KLHL6: variants seen among roughly 807,000 people sequenced by gnomAD.
KLHL6 encodes kelch like family member 6.
KLHL6 carries 41 observed loss-of-function variants against 58.6 expected under a neutral mutation model. The ratio of observed to expected loss-of-function variants is 0.70; its 90% CI spans 0.55 to 0.91. The LOEUF (loss-of-function observed/expected upper bound fraction) is 0.91, where lower values mean the gene tolerates loss of function less well. Among genes scored for constraint, KLHL6 ranks in the 40% least tolerant of loss-of-function variants. KLHL6 has a pLI of 0.00. For synonymous variants in KLHL6, 338 were observed against 322.7 expected (o/e 1.05, Z -0.51); for missense variants, 714 against 805.6 (o/e 0.89, Z 1.38).
At position 183,503,037 on chromosome 3, in the gene KLHL6, A is replaced by T. The variant is rs141651581; in HGVS notation, c.910-3210T>A. On this transcript the variant is annotated intron_variant, in intron 3 of 6. Transcript: ENST00000341319. ...TAACCCCAAAGCCATGACAAATGTC[A>T]ATCTGAAGTCTGAGACGTGCCACTT... 1.5e-3 allele frequency among the ~76,000 whole-genome samples: 225 copies of T among 152,370 alleles called. 1 individual carries two copies. The highest frequency in any genetic ancestry group is 4.3e-3 in the South Asian group (21 of 4,828).
In KLHL6 at chr3:183,492,481, A is replaced by G. The variant is rs1388107692; in HGVS notation, c.1564+13T>C. On this transcript the variant is annotated intron_variant, in intron 6 of 6. Transcript: ENST00000341319. This position sits in a 1 kb window ranked among gnomAD's most constrained non-coding sequence, Gnocchi z 5.9. The stretch of plus-strand genomic sequence containing the variant: ...TTCTAAGCCATTCAGACCAATAAGA[A>G]GCCATTACTCACCAACGACATAGAT... The G allele has an allele frequency of 3.1e-6, 5 of 1,613,782 alleles. No homozygotes were observed. Among genetic ancestry groups the G allele is most frequent in the Non-Finnish European group, 4.2e-6 (5 of 1,179,670 alleles).
At chr3:183,534,699 C>T (rs1365769693) in intron 1 of KLHL6, among the ~76,000 whole-genome samples, 5 of 151,738 alleles carry the variant, frequency 3.3e-5, no homozygotes, top group East Asian at 1.9e-4. Context: ...CCACCATGCC[C>T]GGCCCCATTT....
intron 1 of KLHL6, among the ~76,000 whole-genome samples, chr3:183,551,132 A>G (rs931919400): frequency 2.0e-5 from 3 of 151,964 alleles, no homozygotes; most frequent in Non-Finnish European, 4.4e-5. Context: ...GAAAAAAAAA[A>G]AAAAAAAAAT....
intron 1 of KLHL6, among the ~76,000 whole-genome samples, chr3:183,529,798 A>C (rs1367551259): frequency 1.3e-5 from 2 of 151,796 alleles, no homozygotes; most frequent in Non-Finnish European, 2.9e-5. Flanking sequence ...AAAAAAAGAA[A>C]GAAAGAAAGG....
intron 1 of KLHL6, among the ~76,000 whole-genome samples, chr3:183,549,339 TA>T (rs1396146951): frequency 1.3e-5 from 2 of 152,242 alleles, no homozygotes. Context: ...GGTCAGGCCC[TA>T]TATTTTCCAC....
At chr3:183,546,910 TC>T (rs1712738278) in intron 1 of KLHL6, among the ~76,000 whole-genome samples, 1 of 73,942 alleles carries the variant, frequency 1.4e-5, no homozygotes, top group Non-Finnish European at 2.8e-5. Flanking sequence ...GTGCCATAAG[TC>T]TTTTTTTTTT....
At chr3:183,521,973 G>C (rs1276367899) in intron 2 of KLHL6, among the ~76,000 whole-genome samples, 1 of 150,776 alleles carries the variant, frequency 6.6e-6, no homozygotes, top group Non-Finnish European at 1.5e-5. Flanking sequence ...GGGATTACAG[G>C]CGTGAGCCAC....
chr3:183,508,506 G>A lies in KLHL6; in HGVS notation c.462C>T (p.Phe154=). The part of the protein sequence containing the change: ...RVLEAANLFQ[F]LRMVDACASF... ...TGGCACAGGCATCCACCATCCGCAG[G>A]AACTGATGAAATAGAAAGGGTGGAA... The change falls in exon 3 of 7, where the codon TTC becomes TTT. Residue 154 remains phenylalanine, a splice_region_variant and synonymous_variant. Transcript: ENST00000341319. The A allele has an allele frequency of 6.2e-7, 1 of 1,611,636 alleles. No individual in the cohort carries two copies. Among genetic ancestry groups the A allele is most frequent in the South Asian group, 1.1e-5 (1 of 90,862 alleles).
At position 183,499,144 on chromosome 3, in the gene KLHL6, C is replaced by T. The variant is rs1717795955; in HGVS notation, c.1147+446G>A. Among the ~76,000 whole-genome samples, 1 of 152,200 alleles carries T rather than the reference C, an allele frequency of 6.6e-6. No individual in the cohort carries two copies. Among genetic ancestry groups the T allele is most frequent in the African/African-American group, 2.4e-5 (1 of 41,534 alleles). ...ATCACCTATGGTCAGGAGTTCAAGACCAGCCTGGCCAACATGGTGAAACCC... is the reference window on the plus strand; with the variant it reads ...ATCACCTATGGTCAGGAGTTCAAGATCAGCCTGGCCAACATGGTGAAACCC... On this transcript the variant is annotated intron_variant, in intron 4 of 6. Transcript: ENST00000341319. This position sits in a 1 kb window ranked among gnomAD's most constrained non-coding sequence, Gnocchi z 4.6.
chr3:183,528,201 T>G (rs1344095573), intron 1 of KLHL6, among the ~76,000 whole-genome samples, 191 bp from the exon 2 acceptor site: 1 of 152,172 alleles, frequency 6.6e-6, no homozygotes, highest in Non-Finnish European at 1.5e-5. Context: ...CGAGCTGAAC[T>G]GAACTGCCCT....
intron 1 of KLHL6, 47 bp downstream of exon 1, chr3:183,555,314 T>G: frequency 1.3e-6 from 2 of 1,564,864 alleles, no homozygotes; most frequent in Non-Finnish European, 1.8e-6. Context: ...ACACACCTCT[T>G]CCTTGCAACT....
chr3:183,544,573 G>A (rs1236051900), intron 1 of KLHL6: 1 of 152,128 alleles, frequency 6.6e-6, no homozygotes, highest in Admixed American at 6.5e-5. Flanking sequence ...GTAAAGCAGT[G>A]TTTGTTACCC....
intron 2 of KLHL6, among the ~76,000 whole-genome samples, chr3:183,511,278 A>G (rs1450865308): frequency 5.3e-5 from 8 of 152,166 alleles, no homozygotes; most frequent in Non-Finnish European, 8.8e-5. Context: ...TCTCCACCCA[A>G]ACATCTCAGT....
At position 183,551,741 on chromosome 3, in the gene KLHL6, G is replaced by A. The variant is rs536808448; in HGVS notation, c.293+3620C>T. ...CAGAAATATAGAGCTAGTGCCAGAA[G>A]AAACAAATAGAAGTTGAAAGTGGTA... On this transcript the variant is annotated intron_variant, in intron 1 of 6. Coordinates refer to ENST00000341319, the MANE Select transcript of KLHL6 (RefSeq NM_130446.4). Among the ~76,000 whole-genome samples, 5 of 152,278 alleles carry A rather than the reference G, an allele frequency of 3.3e-5. No homozygotes were observed. The South Asian group carries it at 1.0e-3, about 32-fold the overall frequency.
chr3:183,497,808 G>C (rs1340970162), intron 4 of KLHL6, among the ~76,000 whole-genome samples: 1 of 152,206 alleles, frequency 6.6e-6, no homozygotes, highest in Non-Finnish European at 1.5e-5. Flanking sequence ...CTTAGGATTT[G>C]TAACAGCAGC....
chr3:183,501,096 C>G (rs967221356), intron 3 of KLHL6, among the ~76,000 whole-genome samples: 3 of 152,140 alleles, frequency 2.0e-5, no homozygotes, highest in African/African-American at 4.8e-5. Flanking sequence ...CAGGGCTGTT[C>G]CTTACAGGTC....
intron 4 of KLHL6, among the ~76,000 whole-genome samples, chr3:183,496,366 T>G (rs1470465881): frequency 1.3e-5 from 2 of 152,162 alleles, no homozygotes. Context: ...ATATAGAAAA[T>G]GAGCACTGTC....
rs928861243 is a variant in KLHL6 at position 183,491,194 on chromosome 3, C to T, written c.*733G>A. 6.6e-6 allele frequency: 1 copy of T among 151,514 alleles called. No homozygotes were observed. Among genetic ancestry groups the T allele is most frequent in the African/African-American group, 2.4e-5 (1 of 41,230 alleles). 9.4% of individuals were successfully genotyped at this position (151,514 alleles called of 1,614,324 possible). On this transcript the variant is annotated 3_prime_UTR_variant, in exon 7 of 7. Transcript: ENST00000341319. ...TGGCGATCTCGGCTCACTGCAACCT[C>T]CACCTCCCAAGTTCAAGTGATCCTC...
Position 183,488,880 on chromosome 3 carries a change from C to G in KLHL6, c.*3047G>C, listed in dbSNP as rs373913461. On this transcript the variant is annotated 3_prime_UTR_variant, in exon 7 of 7. Transcript: ENST00000341319. The stretch of plus-strand genomic sequence containing the variant: ...GACCTTCTAACCAGGTGTATCTGTT[C>G]CCTACCCATGCCATTATTAGGAATC... 43 of 152,298 alleles carry G rather than the reference C, an allele frequency of 2.8e-4. 1 individual carries two copies. The highest frequency in any genetic ancestry group is 9.4e-4 in the African/African-American group (39 of 41,558). The allele number at this position is 152,298 out of a possible 1,614,324, so 9.4% of individuals were successfully genotyped here. A position where few individuals can be genotyped will look rare whatever the true frequency, so the allele number is the denominator to read the frequency against.
Sources: allele counts gnomAD v4.1 joint callset (sites outside exome capture counted in the v4.1 genomes callset), GRCh38; gene constraint gnomAD v4.1.1; non-coding constraint Gnocchi (gnomAD v3.1); transcripts MANE v1.5; gene names NCBI Gene and HGNC (gene_info 2026-07-23, HGNC 2026-07-21).